Variants in GYG1 observed in about 807,000 individuals in gnomAD.
GYG1 encodes glycogenin 1.
A neutral mutation model predicts 41.9 loss-of-function variants in GYG1; 44 were observed. That is an observed-to-expected ratio of 1.05 (90% CI 0.83 to 1.35). The LOEUF (loss-of-function observed/expected upper bound fraction) is 1.35, where lower values mean the gene tolerates loss of function less well. GYG1 is among the 40% of genes most tolerant of loss of function. GYG1 has a pLI of 0.00. For synonymous variants in GYG1, 141 were observed against 158.1 expected (o/e 0.89, Z 0.81); for missense variants, 429 against 418.9 (o/e 1.02, Z -0.21).
intron 5 of GYG1, among the ~76,000 whole-genome samples, chr3:149,017,412 T>TA (rs1160862141): frequency 2.0e-5 from 3 of 150,532 alleles, no homozygotes; most frequent in East Asian, 2.0e-4. Context: ...TTTTTTTTTT[T>TA]AATTCCTGGC....
At position 149,009,257 on chromosome 3, in the gene GYG1, A is replaced by G. The variant is rs768390618; in HGVS notation, c.482-19A>G. On this transcript the variant is annotated intron_variant, in intron 4 of 7. Transcript: ENST00000345003. ...TGTCTAGAGATCTGTTAACTAATTT[A>G]TATATTTTTTTCTTTTAGGTGGGGA... 3 of 1,585,210 alleles carry G rather than the reference A, an allele frequency of 1.9e-6. No individual in the cohort carries two copies. The highest frequency in any genetic ancestry group is 2.6e-6 in the Non-Finnish European group (3 of 1,154,054).
chr3:149,023,848 A>C (rs1445442352), intron 5 of GYG1, among the ~76,000 whole-genome samples: 4 of 150,894 alleles, frequency 2.7e-5, no homozygotes, highest in Non-Finnish European at 5.9e-5. Context: ...TTAGCTAGGC[A>C]TGGTGGCCTG....
At position 149,028,705 on chromosome 3, in the gene GYG1, ATTTT is replaced by A. The variant is rs71617496; in HGVS notation, c.*1792_*1795del. Among the ~76,000 whole-genome samples the A allele has an allele frequency of 7.5e-6, 1 of 133,738 alleles. No individual in the cohort carries two copies. The highest frequency in any genetic ancestry group is 2.9e-5 in the African/African-American group (1 of 34,962). The allele number at this position is 133,738 out of a possible 152,430, so 87.7% of individuals were successfully genotyped here. A position where few individuals can be genotyped will look rare whatever the true frequency, so the allele number is the denominator to read the frequency against. On this transcript the variant is annotated 3_prime_UTR_variant, in exon 8 of 8. Coordinates refer to ENST00000345003, the MANE Select transcript of GYG1 (RefSeq NM_004130.4). ...GGTGGAAAAGCTGACATAGTTTTAA[ATTTT>A]TTTTTTTTTTTTTTTTTTTCTTGAG...
intron 6 of GYG1, among the ~76,000 whole-genome samples, chr3:149,024,991 T>C (rs914409283): frequency 2.0e-5 from 3 of 152,186 alleles, no homozygotes; most frequent in African/African-American, 4.8e-5. Context: ...GGCTGTGAGA[T>C]TGTAATATTA....
Position 149,024,167 on chromosome 3 carries a change from T to C in GYG1, c.723T>C (p.Thr241=). The part of the protein sequence containing the change: ...VKSEAHDPNM[T]HPEFLILWWN... ...GTGAGGCCCATGATCCCAACATGACTCATCCAGAGTTTCTCATCCTGTGGT... is the reference window on the plus strand; with the variant it reads ...GTGAGGCCCATGATCCCAACATGACCCATCCAGAGTTTCTCATCCTGTGGT... The change falls in exon 6 of 8, where the codon ACT becomes ACC. Residue 241 remains threonine (T), a synonymous_variant. Coordinates refer to ENST00000345003, the MANE Select transcript of GYG1 (RefSeq NM_004130.4). 3 of 1,613,318 alleles carry C rather than the reference T, an allele frequency of 1.9e-6. No individual in the cohort carries two copies. The highest frequency in any genetic ancestry group is 2.5e-6 in the Non-Finnish European group (3 of 1,179,240).
At chr3:148,997,126 A>G (rs1448117166) in intron 4 of GYG1, among the ~76,000 whole-genome samples, 5 of 152,178 alleles carry the variant, frequency 3.3e-5, no homozygotes, top group South Asian at 2.1e-4. Context: ...AACCTAAACT[A>G]TGATAGGCAA....
At chr3:149,022,647 C>A (rs1267803370) in intron 5 of GYG1, among the ~76,000 whole-genome samples, 1 of 151,696 alleles carries the variant, frequency 6.6e-6, no homozygotes, top group Non-Finnish European at 1.5e-5. Flanking sequence ...AGGCACGTGC[C>A]ACCATACCCA....
intron 5 of GYG1, among the ~76,000 whole-genome samples, chr3:149,015,697 AAGG>A (rs1713984917): frequency 6.6e-6 from 1 of 152,150 alleles, no homozygotes; most frequent in African/African-American, 2.4e-5. Context: ...CAGGAGACTG[AAGG>A]AGGAGAATTG....
chr3:148,999,797 C>G, intron 4 of GYG1, among the ~76,000 whole-genome samples: 1 of 152,208 alleles, frequency 6.6e-6, no homozygotes, highest in East Asian at 1.9e-4. Context: ...TGAACATTTT[C>G]AGGTGTTCCT....
At chr3:149,016,961 TC>T (rs1409459825) in intron 5 of GYG1, among the ~76,000 whole-genome samples, 7 of 152,132 alleles carry the variant, frequency 4.6e-5, no homozygotes, top group African/African-American at 1.4e-4. Flanking sequence ...CTGCCATGAT[TC>T]CCAGAGAAGT....
Position 149,027,961 on chromosome 3 carries a change from C to T in GYG1, c.*1028C>T, listed in dbSNP as rs1481088658. Among the ~76,000 whole-genome samples, 2 of 152,046 alleles carry T rather than the reference C, an allele frequency of 1.3e-5. No homozygotes were observed. The highest frequency in any genetic ancestry group is 2.9e-5 in the Non-Finnish European group (2 of 68,002). The stretch of plus-strand genomic sequence containing the variant: ...GTCAGAATCAATACTGGGTCCAGTC[C>T]CTACTAGTATTTTATCTATGATTTA... On this transcript the variant is annotated 3_prime_UTR_variant, in exon 8 of 8. Coordinates refer to ENST00000345003, the MANE Select transcript of GYG1 (RefSeq NM_004130.4).
At chr3:149,022,557 G>A (rs1481609032) in intron 5 of GYG1, among the ~76,000 whole-genome samples, 9 of 125,568 alleles carry the variant, frequency 7.2e-5, no homozygotes, top group South Asian at 2.5e-4. Flanking sequence ...GTGCAGTGGC[G>A]CAATCTCGGC....
At chr3:149,018,788 C>CA (rs2107915473) in intron 5 of GYG1, among the ~76,000 whole-genome samples, 1 of 152,178 alleles carries the variant, frequency 6.6e-6, no homozygotes, top group African/African-American at 2.4e-5. Context: ...TCAGGCCGGG[C>CA]CCGTAATGTC....
intron 5 of GYG1, among the ~76,000 whole-genome samples, chr3:149,010,090 T>C (rs1713631995): frequency 6.6e-6 from 1 of 152,178 alleles, no homozygotes; most frequent in African/African-American, 2.4e-5. Context: ...AATATAGTGT[T>C]CAGAGTAATT....
intron 5 of GYG1, among the ~76,000 whole-genome samples, chr3:149,021,807 G>A (rs1194343376): frequency 6.6e-6 from 1 of 151,448 alleles, no homozygotes; most frequent in African/African-American, 2.4e-5. Flanking sequence ...AAGGTTACAC[G>A]AGTTTGTATT....
chr3:149,006,080 C>CTTTTTTTTTTTTT (rs34268321), intron 4 of GYG1, among the ~76,000 whole-genome samples: 3 of 117,224 alleles, frequency 2.6e-5, no homozygotes, highest in Admixed American at 9.5e-5. Context: ...TCATCATATT[C>CTTTTTTTTTTTTT]TTTTTTTTTT....
intron 4 of GYG1, among the ~76,000 whole-genome samples, chr3:149,006,629 A>G (rs980063754): frequency 6.6e-6 from 1 of 152,210 alleles, no homozygotes; most frequent in Non-Finnish European, 1.5e-5. Flanking sequence ...TACCATATCC[A>G]TATACCTGCT....
chr3:149,005,199 C>T (rs1189958248), intron 4 of GYG1, among the ~76,000 whole-genome samples: 1 of 151,322 alleles, frequency 6.6e-6, no homozygotes. Flanking sequence ...TGGTAGTATA[C>T]TTCATAATAA....
intron 5 of GYG1, among the ~76,000 whole-genome samples, chr3:149,013,922 T>C (rs1341999933): frequency 6.6e-6 from 1 of 152,208 alleles, no homozygotes; most frequent in Non-Finnish European, 1.5e-5. Flanking sequence ...GGGTCACTCT[T>C]TTTTTCCAGC....
Sources: gnomAD v4.1 joint callset for allele counts (sites outside exome capture counted in the v4.1 genomes callset) on GRCh38, gnomAD v4.1.1 for gene constraint, MANE v1.5 for transcripts, NCBI Gene and HGNC (gene_info 2026-07-23, HGNC 2026-07-21) for gene names.